The following POLR3B variants were observed in gnomAD, a reference collection of about 807,000 sequenced individuals.
POLR3B encodes RNA polymerase III subunit B, also known as DNA-directed RNA polymerase III subunit RPC2.
POLR3B carries 96 observed loss-of-function variants against 147.4 expected under a neutral mutation model. The observed-to-expected ratio is 0.65, with a 90% confidence interval of 0.55 to 0.77. The LOEUF is 0.77. Ranked by LOEUF, POLR3B falls within the 30% of genes least tolerant of loss-of-function variation. The pLI, the probability that POLR3B is intolerant of heterozygous loss-of-function variation, is 0.00. For missense variants in POLR3B, 1,036 were observed against 1,413.5 expected (o/e 0.73, Z 4.28); for synonymous variants, 461 against 485.9 (o/e 0.95, Z 0.67).
At chr12:106,407,041 A>G (rs1400033111) in intron 11 of POLR3B, among the ~76,000 whole-genome samples, 1 of 152,200 alleles carries the variant, frequency 6.6e-6, no homozygotes, top group African/African-American at 2.4e-5. Context: ...AACACCCTTC[A>G]ATCCAAATAA....
chr12:106,440,119 C>T (rs2037629840), intron 18 of POLR3B, among the ~76,000 whole-genome samples: 1 of 151,968 alleles, frequency 6.6e-6, no homozygotes. Context: ...TTATAGTAGC[C>T]CCATAAATGA....
At chr12:106,420,373 C>G (rs1170683268) in intron 12 of POLR3B, among the ~76,000 whole-genome samples, 5 of 152,140 alleles carry the variant, frequency 3.3e-5, no homozygotes, top group Non-Finnish European at 7.4e-5. Context: ...TCCAGTAGTT[C>G]AGATCTTTTT....
At chr12:106,451,638 G>C (rs531496270) in intron 19 of POLR3B, among the ~76,000 whole-genome samples, 11 of 136,974 alleles carry the variant, frequency 8.0e-5, no homozygotes, top group African/African-American at 2.8e-4. Context: ...AAAGGCGGGG[G>C]GGGAGGAGAG....
At chr12:106,398,008 C>G (rs554316260) in intron 10 of POLR3B, among the ~76,000 whole-genome samples, 28 of 152,300 alleles carry the variant, frequency 1.8e-4, no homozygotes, top group African/African-American at 6.7e-4. Flanking sequence ...TGCAGCGCAC[C>G]GTGCGTGAGC....
intron 27 of POLR3B, among the ~76,000 whole-genome samples, chr12:106,507,065 A>G (rs1487698485): frequency 1.3e-5 from 2 of 152,168 alleles, no homozygotes; most frequent in African/African-American, 4.8e-5. Context: ...CTGTTGTTCT[A>G]CAGAAGACAC....
intron 10 of POLR3B, among the ~76,000 whole-genome samples, chr12:106,399,079 C>T (rs1242741558): frequency 6.6e-6 from 1 of 151,850 alleles, no homozygotes; most frequent in Admixed American, 6.6e-5. Context: ...AAGTTAAAAA[C>T]TGAAAAAAAA....
intron 21 of POLR3B, 42 bp from the exon 22 acceptor site, chr12:106,459,209 C>G: frequency 9.3e-7 from 1 of 1,075,698 alleles, no homozygotes; most frequent in Non-Finnish European, 1.4e-6. Context: ...GTATTCCACA[C>G]AGATGATAAC....
chr12:106,393,553 A>G (rs1423090945), intron 10 of POLR3B, among the ~76,000 whole-genome samples: 1 of 120,072 alleles, frequency 8.3e-6, no homozygotes, highest in East Asian at 2.8e-4. Flanking sequence ...ATTTCTCTTT[A>G]ATATCTTTTT....
chr12:106,447,647 T>A (rs989883438), intron 19 of POLR3B, among the ~76,000 whole-genome samples: 7 of 152,216 alleles, frequency 4.6e-5, no homozygotes, highest in African/African-American at 1.7e-4. Flanking sequence ...CAAGTTCACA[T>A]GAGCCACACT....
At chr12:106,471,515 T>C (rs538342049) in intron 23 of POLR3B, among the ~76,000 whole-genome samples, 132 of 152,032 alleles carry the variant, frequency 8.7e-4, no homozygotes, top group African/African-American at 2.8e-3. Context: ...GGTACCTCAG[T>C]TGGAAATGCA....
At position 106,364,662 on chromosome 12, in the gene POLR3B, G is replaced by T. The variant is rs568169705; in HGVS notation, c.105+760G>T. On this transcript the variant is annotated intron_variant, in intron 2 of 27. Coordinates refer to ENST00000228347, the MANE Select transcript of POLR3B (RefSeq NM_018082.6). ...AGAAACCTGTACACAAATGCTCATA[G>T]CAGTATTATTCATAATAGCCAAGAG... Among the ~76,000 whole-genome samples, 107 of 152,352 alleles carry T rather than the reference G, an allele frequency of 7.0e-4. 1 individual carries two copies. Among genetic ancestry groups the T allele is most frequent in the South Asian group, 1.0e-3 (5 of 4,832 alleles).
intron 10 of POLR3B, among the ~76,000 whole-genome samples, chr12:106,402,951 T>C (rs2037091225): frequency 6.6e-6 from 1 of 151,990 alleles, no homozygotes; most frequent in African/African-American, 2.4e-5. Context: ...CAGCCAAAAT[T>C]GACAAATGGG....
At chr12:106,423,653 T>G (rs1161832341) in intron 12 of POLR3B, among the ~76,000 whole-genome samples, 2 of 152,132 alleles carry the variant, frequency 1.3e-5, no homozygotes, top group African/African-American at 4.8e-5. Flanking sequence ...TTTTGTTCTA[T>G]CTGAGTCCTC....
chr12:106,358,083 G>A, intron 1 of POLR3B, 132 bp downstream of exon 1: 2 of 1,530,388 alleles, frequency 1.3e-6, no homozygotes, highest in South Asian at 2.4e-5. Context: ...CGCATGCCCA[G>A]AGCGTCGCGC....
intron 2 of POLR3B, among the ~76,000 whole-genome samples, chr12:106,365,065 G>A (rs1236298004): frequency 6.6e-6 from 1 of 152,108 alleles, no homozygotes; most frequent in Non-Finnish European, 1.5e-5. Flanking sequence ...AACCTGGGAG[G>A]CAGAGGTTGC....
chr12:106,435,048 G>T (rs762031140), intron 16 of POLR3B, among the ~76,000 whole-genome samples: 1 of 152,134 alleles, frequency 6.6e-6, no homozygotes, highest in South Asian at 2.1e-4. Flanking sequence ...TCATTTTCTG[G>T]ATTCTTGGAA....
intron 11 of POLR3B, among the ~76,000 whole-genome samples, chr12:106,409,627 A>G (rs1287143470): frequency 1.3e-5 from 2 of 151,374 alleles, no homozygotes; most frequent in Admixed American, 6.6e-5. Context: ...ATTTAGTGAA[A>G]TTACTTAGCA....
intron 21 of POLR3B, among the ~76,000 whole-genome samples, chr12:106,457,908 A>G (rs2037885718): frequency 6.6e-6 from 1 of 152,152 alleles, no homozygotes; most frequent in Non-Finnish European, 1.5e-5. Context: ...AGAGTTAACT[A>G]AAGAAGAGGA....
intron 12 of POLR3B, among the ~76,000 whole-genome samples, chr12:106,424,884 A>T (rs2037416539): frequency 6.6e-6 from 1 of 152,316 alleles, no homozygotes; most frequent in African/African-American, 2.4e-5. Context: ...ATCCATGAAC[A>T]TATCATCTCA....
Sources: allele counts gnomAD v4.1 joint callset (sites outside exome capture counted in the v4.1 genomes callset), GRCh38; gene constraint gnomAD v4.1.1; transcripts MANE v1.5; gene names NCBI Gene and HGNC (gene_info 2026-07-23, HGNC 2026-07-21).